SMAD6: variants seen among roughly 807,000 people sequenced by gnomAD.
SMAD6 encodes MAD homolog 6.
SMAD6 carries 103 observed loss-of-function variants against 39.4 expected under a neutral mutation model. The observed-to-expected ratio is 2.62, with a 90% CI of 2.23 to 3.08. SMAD6 has a LOEUF of 3.08. Among genes scored for constraint, SMAD6 ranks in the 30% most tolerant of loss-of-function variants. The probability of loss-of-function intolerance (pLI) is 0.00; values close to 1 mark genes in which losing one functional copy is unlikely to be tolerated. For missense variants in SMAD6, 1,104 were observed against 742.9 expected, an observed-to-expected ratio of 1.49 and a Z score of -5.65; for synonymous variants, 445 against 353.3, an observed-to-expected ratio of 1.26 and a Z score of -2.91.
intron 3 of SMAD6, among the ~76,000 whole-genome samples, chr15:66,765,477 C>T (rs1375679972): frequency 2.6e-5 from 4 of 152,218 alleles, no homozygotes; most frequent in African/African-American, 9.6e-5. Context: ...CCTGCCTTGG[C>T]CTCCCAAAAT....
intron 3 of SMAD6, among the ~76,000 whole-genome samples, chr15:66,723,328 G>T (rs868496299): frequency 6.6e-6 from 1 of 152,184 alleles, no homozygotes; most frequent in African/African-American, 2.4e-5. Context: ...AAGGACTTCA[G>T]GGCTATTGTG....
intron 3 of SMAD6, among the ~76,000 whole-genome samples, chr15:66,734,264 G>A (rs147444482): frequency 3.9e-4 from 60 of 152,364 alleles, no homozygotes; most frequent in African/African-American, 1.3e-3. Flanking sequence ...GGTACTGAGT[G>A]TGGAGTTTAA....
At chr15:66,734,191 G>A (rs1210690289) in intron 3 of SMAD6, among the ~76,000 whole-genome samples, 1 of 152,236 alleles carries the variant, frequency 6.6e-6, no homozygotes, top group Admixed American at 6.5e-5. Flanking sequence ...TTCACATTTG[G>A]CTGTTTTCAG....
Position 66,718,111 on chromosome 15 carries a change from C to T in SMAD6, c.952+1613C>T, listed in dbSNP as rs200935688. 7.7e-3 allele frequency among the ~76,000 whole-genome samples: 1,052 copies of T among 137,260 alleles called. 12 individuals are homozygous for T. The highest frequency in any genetic ancestry group is 0.026 in the African/African-American group (921 of 35,034). The allele number at this position is 137,260 out of a possible 152,430, so 90.0% of individuals were successfully genotyped here. On this transcript the variant is annotated intron_variant, in intron 3 of 3. Coordinates refer to ENST00000288840, the MANE Select transcript of SMAD6 (RefSeq NM_005585.5). ...TCCCTATTGTTAATGATGGAAAGTC[C>T]GTGTGTGTGTGTGTGTGTGTGTGTG...
Position 66,703,392 on chromosome 15 carries a change from C to T in SMAD6, c.134C>T (p.Pro45Leu), listed in dbSNP as rs1027280912. ...EDGSLGSRAE[P>L]APRAREGGGC... Reference sequence around the variant, plus strand: ...GGGAGCTTGGGCAGCCGAGCTGAGCCGGCCCCGCGGGCAAGAGAGGGCGGA... The same window carrying T: ...GGGAGCTTGGGCAGCCGAGCTGAGCTGGCCCCGCGGGCAAGAGAGGGCGGA... Residue 45 changes from proline to leucine, a missense_variant, in exon 1 of 4, where the codon CCG (proline) becomes CTG (leucine). Physicochemically the swap from Pro to Leu is moderately conservative, Grantham distance 98. Coordinates refer to ENST00000288840, the MANE Select transcript of SMAD6 (RefSeq NM_005585.5). The T allele has an allele frequency of 4.3e-6, 6 of 1,410,768 alleles. No homozygotes were observed. The highest frequency in any genetic ancestry group is 5.5e-6 in the Non-Finnish European group (6 of 1,081,858). 87.4% of individuals were successfully genotyped at this position (1,410,768 alleles called of 1,614,324 possible). A position where few individuals can be genotyped will look rare whatever the true frequency, so the allele number is the denominator to read the frequency against.
intron 3 of SMAD6, among the ~76,000 whole-genome samples, chr15:66,773,420 C>T (rs908012056): frequency 6.6e-6 from 1 of 152,178 alleles, no homozygotes; most frequent in African/African-American, 2.4e-5. Flanking sequence ...AAAAGAGCCT[C>T]TAATTAATGC....
chr15:66,735,448 G>A (rs1483563009), intron 3 of SMAD6, among the ~76,000 whole-genome samples: 1 of 152,186 alleles, frequency 6.6e-6, no homozygotes, highest in Non-Finnish European at 1.5e-5. Flanking sequence ...AAACAAACAA[G>A]CCAAACACCA....
intron 3 of SMAD6, among the ~76,000 whole-genome samples, chr15:66,746,705 G>A (rs1225863637): frequency 1.3e-5 from 2 of 152,194 alleles, no homozygotes; most frequent in Non-Finnish European, 2.9e-5. Flanking sequence ...GGCTGTGGCT[G>A]ATTTTGTGTC....
intron 3 of SMAD6, among the ~76,000 whole-genome samples, chr15:66,757,250 G>A (rs943120054): frequency 1.3e-5 from 2 of 152,200 alleles, no homozygotes; most frequent in Non-Finnish European, 2.9e-5. Context: ...CGCAGGGTAC[G>A]GGAGGAGGCG....
At chr15:66,756,643 G>GT (rs1894105186) in intron 3 of SMAD6, among the ~76,000 whole-genome samples, 1 of 148,800 alleles carries the variant, frequency 6.7e-6, no homozygotes, top group South Asian at 2.2e-4. Context: ...AAAGGGGAGG[G>GT]TCCCATACAC....
intron 3 of SMAD6, among the ~76,000 whole-genome samples, chr15:66,769,204 G>C (rs747617103): frequency 6.6e-6 from 1 of 152,184 alleles, no homozygotes; most frequent in Non-Finnish European, 1.5e-5. Flanking sequence ...GGCCGACTCC[G>C]CGGGTGTTGG....
rs1483777645 is a variant in SMAD6, at chr15:66,711,655, T to G, written c.818-13T>G. 1 of 1,611,374 alleles carries G rather than the reference T, an allele frequency of 6.2e-7. No individual in the cohort carries two copies. Among genetic ancestry groups the G allele is most frequent in the African/African-American group, 1.3e-5 (1 of 74,856 alleles). Reference sequence around the variant, plus strand: ...CCAACCCTGGCAGTGACATGCTGTCTCCTGTCTTCCAGAATCTCCGCCACC... The same window carrying G: ...CCAACCCTGGCAGTGACATGCTGTCGCCTGTCTTCCAGAATCTCCGCCACC... On this transcript the variant is annotated splice_polypyrimidine_tract_variant and intron_variant, in intron 1 of 3. Coordinates refer to ENST00000288840, the MANE Select transcript of SMAD6 (RefSeq NM_005585.5).
intron 3 of SMAD6, among the ~76,000 whole-genome samples, chr15:66,745,031 G>GC (rs1171563640): frequency 6.6e-6 from 1 of 152,118 alleles, no homozygotes; most frequent in Non-Finnish European, 1.5e-5. Flanking sequence ...CAACAAGCCT[G>GC]CCCCCCACCA....
In SMAD6 at chr15:66,781,095, G is replaced by A. The variant is rs1411788691; in HGVS notation, c.1051G>A (p.Asp351Asn). 6.2e-7 allele frequency: 1 copy of A among 1,608,218 alleles called. No homozygotes were observed. The change falls in exon 4 of 4, where the codon GAC (aspartate) becomes AAC (asparagine). Residue 351 changes from aspartate (D) to asparagine (N), a missense_variant. Asp to Asn is a conservative substitution (Grantham distance 23). Coordinates refer to ENST00000288840, the MANE Select transcript of SMAD6 (RefSeq NM_005585.5). ...CGTGGGCCGCCTCTATGCGGTGTAC[G>A]ACCAGGCCGTCAGCATCTTCTACGA... ...TRVGRLYAVY[D>N]QAVSIFYDLP...
intron 3 of SMAD6, among the ~76,000 whole-genome samples, chr15:66,761,856 G>C (rs1221557479): frequency 2.6e-5 from 4 of 152,152 alleles, no homozygotes; most frequent in Non-Finnish European, 5.9e-5. Flanking sequence ...GTACTTTTCA[G>C]AGCTTTTACC....
chr15:66,713,765 C>T (rs1020648156), intron 2 of SMAD6, among the ~76,000 whole-genome samples: 4 of 152,226 alleles, frequency 2.6e-5, no homozygotes, highest in African/African-American at 4.8e-5. Flanking sequence ...GAGGCTGTTC[C>T]ACGAGGGTGT....
chr15:66,737,962 C>G (rs1893743497), intron 3 of SMAD6, among the ~76,000 whole-genome samples: 1 of 152,146 alleles, frequency 6.6e-6, no homozygotes, highest in Non-Finnish European at 1.5e-5. Flanking sequence ...CCTGGGGTAC[C>G]TGCTCTATGG....
intron 3 of SMAD6, among the ~76,000 whole-genome samples, chr15:66,751,626 T>C (rs562067109): frequency 2.0e-5 from 3 of 152,150 alleles, no homozygotes; most frequent in Non-Finnish European, 4.4e-5. Context: ...CAATGCAAAG[T>C]GTGAAGCCAG....
In SMAD6 at chr15:66,703,481, C is replaced by T. The variant is rs1595756640; in HGVS notation, c.223C>T (p.Arg75Ter). Residue 75 changes from arginine to a stop codon, truncating the protein, a stop_gained, in exon 1 of 4, where the codon CGA (arginine) becomes TGA (stop). Transcript: ENST00000288840. LOFTEE classifies it high-confidence loss of function. ...PRRPRDAVGQ[R>*]GAQGAGRRRR... ...GCGGCCCCGGGACGCAGTGGGACAG[C>T]GAGGCGCCCAGGGCGCGGGGAGGCG... The T allele has an allele frequency of 4.8e-6, 6 of 1,238,144 alleles. No homozygotes were observed. The highest frequency in any genetic ancestry group is 6.1e-6 in the Non-Finnish European group (6 of 986,858). The allele number at this position is 1,238,144 out of a possible 1,614,324, so 76.7% of individuals were successfully genotyped here. A position where few individuals can be genotyped will look rare whatever the true frequency, so the allele number is the denominator to read the frequency against.
Sources: allele counts gnomAD v4.1 joint callset (sites outside exome capture counted in the v4.1 genomes callset), GRCh38; gene constraint gnomAD v4.1.1; transcripts MANE v1.5; gene names NCBI Gene and HGNC (gene_info 2026-07-23, HGNC 2026-07-21).